C7orf78: variants seen among roughly 807,000 people sequenced by gnomAD.
C7orf78 encodes the protein chromosome 7 open reading frame 78.
At chr7:12,523,439 A>G in the C7orf78 span, 2 of 398,028 alleles carry the variant, frequency 5.0e-6, no homozygotes, top group African/African-American at 4.1e-5. Context: ...AAAAAAGAGC[A>G]TTTGAATAAA....
chr7:12,492,318 A>C, the C7orf78 span, among the ~76,000 whole-genome samples: 1 of 152,220 alleles, frequency 6.6e-6, no homozygotes, highest in Non-Finnish European at 1.5e-5. Context: ...CTCTCTACCC[A>C]AGTCATTGGG....
At chr7:12,515,001 A>T in the C7orf78 span, among the ~76,000 whole-genome samples, 1 of 152,120 alleles carries the variant, frequency 6.6e-6, no homozygotes, top group Non-Finnish European at 1.5e-5. Context: ...AGTCTGATGG[A>T]GGTAACTTTA....
At chr7:12,517,168 G>A in the C7orf78 span, among the ~76,000 whole-genome samples, 3 of 152,066 alleles carry the variant, frequency 2.0e-5, no homozygotes, top group Non-Finnish European at 4.4e-5. Flanking sequence ...AATCATGGGT[G>A]CAGTTTCCCC....
chr7:12,524,498 C>A, the C7orf78 span, among the ~76,000 whole-genome samples: 1 of 151,970 alleles, frequency 6.6e-6, no homozygotes, highest in Non-Finnish European at 1.5e-5. Flanking sequence ...ACATATGTTA[C>A]CTTTTGGAGA....
chr7:12,495,401 TC>T, the C7orf78 span, among the ~76,000 whole-genome samples: 1 of 152,210 alleles, frequency 6.6e-6, no homozygotes, highest in Non-Finnish European at 1.5e-5. Context: ...CCAGCTCATT[TC>T]CCACTGCCAG....
the C7orf78 span, among the ~76,000 whole-genome samples, chr7:12,516,387 C>G: frequency 6.6e-6 from 1 of 152,192 alleles, no homozygotes; most frequent in African/African-American, 2.4e-5. Context: ...TGCATGAATG[C>G]CCAAGCAGAA....
the C7orf78 span, among the ~76,000 whole-genome samples, chr7:12,487,661 T>C: frequency 5.9e-5 from 9 of 152,198 alleles, no homozygotes; most frequent in East Asian, 1.9e-4. Context: ...CAATAAAGGA[T>C]TGAGTCTTTA....
the C7orf78 span, chr7:12,529,031 C>G: frequency 2.5e-6 from 1 of 398,504 alleles, no homozygotes; most frequent in Non-Finnish European, 4.4e-6. Context: ...CCTGTTAGAT[C>G]TGCTTCATAT....
chr7:12,537,424 G>A, the C7orf78 span, among the ~76,000 whole-genome samples: 1 of 152,188 alleles, frequency 6.6e-6, no homozygotes, highest in African/African-American at 2.4e-5. Flanking sequence ...AATTGTGGGA[G>A]TTACAATTCA....
At chr7:12,495,897 C>T in the C7orf78 span, among the ~76,000 whole-genome samples, 19 of 152,160 alleles carry the variant, frequency 1.2e-4, no homozygotes, top group Admixed American at 9.2e-4. Context: ...TGTTGCGTTC[C>T]CAAATTTGTG....
the C7orf78 span, among the ~76,000 whole-genome samples, chr7:12,533,757 C>T: frequency 6.6e-6 from 1 of 152,072 alleles, no homozygotes; most frequent in South Asian, 2.1e-4. Context: ...ACCTCGTGAT[C>T]CACCTGTCTC....
the C7orf78 span, among the ~76,000 whole-genome samples, chr7:12,534,363 G>C: frequency 5.9e-5 from 9 of 152,220 alleles, no homozygotes; most frequent in East Asian, 1.7e-3. Context: ...AATTCATGTG[G>C]ATTACAGACC....
At chr7:12,538,657 AG>A in the C7orf78 span, among the ~76,000 whole-genome samples, 10 of 152,136 alleles carry the variant, frequency 6.6e-5, no homozygotes, top group African/African-American at 2.4e-4. Context: ...GTCTGATAAG[AG>A]GCATCTTATC....
chr7:12,490,011 T>A, the C7orf78 span, among the ~76,000 whole-genome samples: 1 of 152,286 alleles, frequency 6.6e-6, no homozygotes, highest in Non-Finnish European at 1.5e-5. Flanking sequence ...ACTATCACAA[T>A]CTTATATTTA....
At chr7:12,513,910 G>A in the C7orf78 span, among the ~76,000 whole-genome samples, 1 of 152,140 alleles carries the variant, frequency 6.6e-6, no homozygotes. Flanking sequence ...TGAAGCAGGA[G>A]AATGGTGTAA....
the C7orf78 span, among the ~76,000 whole-genome samples, chr7:12,529,703 T>C: frequency 1.3e-5 from 2 of 152,154 alleles, no homozygotes; most frequent in Non-Finnish European, 2.9e-5. Context: ...GGCTTCCAGG[T>C]CATAAGTAGA....
chr7:12,506,975 G>A, the C7orf78 span: 1 of 471,668 alleles, frequency 2.1e-6, no homozygotes. Flanking sequence ...ACAACATGAG[G>A]AAGCAAATAA....
chr7:12,529,888 C>T, the C7orf78 span, among the ~76,000 whole-genome samples: 2 of 152,200 alleles, frequency 1.3e-5, no homozygotes, highest in Non-Finnish European at 2.9e-5. Flanking sequence ...GTGTGCTCCG[C>T]GCACAGCTCA....
chr7:12,506,164 A>G, the C7orf78 span: 1 of 152,258 alleles, frequency 6.6e-6, no homozygotes, highest in Non-Finnish European at 1.5e-5. Flanking sequence ...GAGGTTGTGG[A>G]AAAATAGGAA....
Sources: allele counts gnomAD v4.1 joint callset (sites outside exome capture counted in the v4.1 genomes callset), GRCh38; gene constraint gnomAD v4.1.1; transcripts MANE v1.5; gene names NCBI Gene and HGNC (gene_info 2026-07-23, HGNC 2026-07-21).